The following PLXNA4 variants were observed in gnomAD, a reference collection of about 807,000 sequenced individuals.
PLXNA4 encodes plexin-A4.
In PLXNA4, 44 loss-of-function variants were observed where a neutral mutation model predicts 191.8. That is an observed-to-expected ratio of 0.23 (90% confidence interval 0.18 to 0.29). The LOEUF is 0.29. Ranked by LOEUF, PLXNA4 falls within the 10% of genes least tolerant of loss-of-function variation. PLXNA4 has a pLI of 1.00. For missense variants in PLXNA4, 1,800 were observed against 2,488.8 expected (o/e 0.72, Z 5.89); for synonymous variants, 1,082 against 1,009.5 (o/e 1.07, Z -1.36).
chr7:132,467,230 T>G (rs897477413), intron 3 of PLXNA4, among the ~76,000 whole-genome samples: 2 of 152,102 alleles, frequency 1.3e-5, no homozygotes, highest in African/African-American at 4.8e-5. Context: ...GTGGCTGGTC[T>G]TGGGGCCAAA....
At chr7:132,490,181 G>GC (rs953245627) in intron 2 of PLXNA4, among the ~76,000 whole-genome samples, 14 of 152,120 alleles carry the variant, frequency 9.2e-5, no homozygotes, top group African/African-American at 1.4e-4. Flanking sequence ...AAGAAGGGCA[G>GC]CCCTGGCCCT....
At chr7:132,209,074 A>G (rs1250098315) in intron 10 of PLXNA4, among the ~76,000 whole-genome samples, 1 of 152,242 alleles carries the variant, frequency 6.6e-6, no homozygotes, top group African/African-American at 2.4e-5. Context: ...AGCTAAAGTT[A>G]GTCCCCAGGG....
At chr7:132,385,226 T>C (rs1805072030) in intron 3 of PLXNA4, 2 of 1,613,794 alleles carry the variant, frequency 1.2e-6, no homozygotes. Flanking sequence ...AGTTCCAGAG[T>C]CACTGTTGCT....
At chr7:132,423,644 T>C (rs936841992) in intron 3 of PLXNA4, among the ~76,000 whole-genome samples, 25 of 152,302 alleles carry the variant, frequency 1.6e-4, no homozygotes, top group Middle Eastern at 3.4e-3. Context: ...ATCTGTTTAA[T>C]TGATCATCAC....
In PLXNA4 at chr7:132,298,235, A is replaced by G; in HGVS notation, c.1372-13T>C. 1.2e-6 allele frequency: 2 copies of G among 1,607,164 alleles called. No individual in the cohort carries two copies. The highest frequency in any genetic ancestry group is 1.7e-6 in the Non-Finnish European group (2 of 1,176,850). On this transcript the variant is annotated splice_polypyrimidine_tract_variant and intron_variant, in intron 3 of 31. Transcript: ENST00000321063. Reference sequence around the variant, plus strand: ...CATCCACCCGGATCTGTGGAGAAGAAGAGGAGAGCCAAAGTGAGTTCAGAT... The same window carrying G: ...CATCCACCCGGATCTGTGGAGAAGAGGAGGAGAGCCAAAGTGAGTTCAGAT...
intron 1 of PLXNA4, among the ~76,000 whole-genome samples, chr7:132,573,206 G>C (rs969268065): frequency 6.6e-6 from 1 of 152,090 alleles, no homozygotes; most frequent in Non-Finnish European, 1.5e-5. Context: ...AATAAGAAGA[G>C]AGGAGACGCT....
intron 3 of PLXNA4, among the ~76,000 whole-genome samples, chr7:132,418,174 AT>A (rs1211419714): frequency 6.6e-6 from 1 of 151,934 alleles, no homozygotes; most frequent in Admixed American, 6.6e-5. Context: ...GTTTTATCTT[AT>A]TTTTTAAAAG....
intron 3 of PLXNA4, among the ~76,000 whole-genome samples, chr7:132,403,766 G>A (rs1794095619): frequency 6.6e-6 from 1 of 152,134 alleles, no homozygotes; most frequent in Non-Finnish European, 1.5e-5. Flanking sequence ...GCAGAGAGCA[G>A]GGAAGAGGGC....
intron 3 of PLXNA4, chr7:132,383,583 A>C (rs1409519786): frequency 1.0e-6 from 1 of 984,224 alleles, no homozygotes; most frequent in African/African-American, 1.7e-5. Flanking sequence ...ATCACACAAG[A>C]ATCAGTTACA....
chr7:132,166,497 C>T (rs7794234), intron 22 of PLXNA4, among the ~76,000 whole-genome samples: 12,189 of 151,460 alleles, frequency 0.08, 588 homozygotes, highest in African/African-American at 0.1. Flanking sequence ...GAAACTAGCC[C>T]ATCCAGGTAT....
intron 3 of PLXNA4, among the ~76,000 whole-genome samples, chr7:132,475,965 G>A (rs1365848587): frequency 6.6e-6 from 1 of 152,184 alleles, no homozygotes. Flanking sequence ...GAGAACATGA[G>A]GGAGGTGGAT....
chr7:132,491,636 GA>G (rs60760710), intron 2 of PLXNA4, among the ~76,000 whole-genome samples: 14 of 147,552 alleles, frequency 9.5e-5, no homozygotes, highest in African/African-American at 2.8e-4. Context: ...TCCCTTAAAA[GA>G]AAAAAAAAAA....
At chr7:132,440,706 T>A (rs947476860) in intron 3 of PLXNA4, among the ~76,000 whole-genome samples, 6 of 152,208 alleles carry the variant, frequency 3.9e-5, no homozygotes, top group Admixed American at 2.0e-4. Context: ...AAGGTGATTA[T>A]CAAACACTTA....
intron 1 of PLXNA4, among the ~76,000 whole-genome samples, chr7:132,529,071 A>T (rs377043477): frequency 6.6e-6 from 1 of 152,210 alleles, no homozygotes; most frequent in East Asian, 1.9e-4. Flanking sequence ...AAATATCAAT[A>T]TCCTTGGGAC....
intron 3 of PLXNA4, among the ~76,000 whole-genome samples, chr7:132,416,563 A>G (rs1794668708): frequency 6.6e-6 from 1 of 152,174 alleles, no homozygotes. Flanking sequence ...ATATCAGAGT[A>G]CTCAGAGGTG....
At chr7:132,310,177 G>T (rs1220032686) in intron 3 of PLXNA4, among the ~76,000 whole-genome samples, 1 of 152,212 alleles carries the variant, frequency 6.6e-6, no homozygotes, top group Admixed American at 6.5e-5. Flanking sequence ...CTGAAACACA[G>T]GTCTCAGAAT....
intron 3 of PLXNA4, among the ~76,000 whole-genome samples, chr7:132,473,957 A>G (rs1585188036): frequency 6.6e-6 from 1 of 152,364 alleles, no homozygotes; most frequent in Middle Eastern, 3.4e-3. Context: ...GTTAAAGGAA[A>G]GAAAGTTCAA....
chr7:132,225,047 G>T (rs1039587095), intron 8 of PLXNA4, among the ~76,000 whole-genome samples: 2 of 152,124 alleles, frequency 1.3e-5, no homozygotes, highest in African/African-American at 4.8e-5. Flanking sequence ...GTGGAGAGGG[G>T]TTCCAGGCCC....
chr7:132,485,099 A>C, intron 3 of PLXNA4: 1 of 1,560,660 alleles, frequency 6.4e-7, no homozygotes, highest in Non-Finnish European at 8.7e-7. Flanking sequence ...ACAATTCCCA[A>C]TAAGAATGGT....
Sources: allele counts gnomAD v4.1 joint callset (sites outside exome capture counted in the v4.1 genomes callset), GRCh38; gene constraint gnomAD v4.1.1; transcripts MANE v1.5; gene names NCBI Gene and HGNC (gene_info 2026-07-23, HGNC 2026-07-21).